The following IQSEC1 variants were observed in gnomAD, a reference collection of about 807,000 sequenced individuals.
IQSEC1 encodes the protein IQ motif and Sec7 domain ArfGEF 1.
IQSEC1 carries 31 observed loss-of-function variants against 91.0 expected under a neutral mutation model. That is an observed-to-expected ratio of 0.34 (90% CI 0.26 to 0.46). The LOEUF (loss-of-function observed/expected upper bound fraction) is 0.46. Among genes scored for constraint, IQSEC1 ranks in the 20% least tolerant of loss-of-function variants. IQSEC1 has a pLI of 1.00. For missense variants in IQSEC1, 1,388 were observed against 1,575.6 expected (o/e 0.88, Z 2.02); for synonymous variants, 699 against 662.6 (o/e 1.05, Z -0.84).
At chr3:12,987,404 G>T (rs1218865145) in intron 1 of IQSEC1, among the ~76,000 whole-genome samples, 1 of 152,248 alleles carries the variant, frequency 6.6e-6, no homozygotes, top group South Asian at 2.1e-4. Context: ...GTATATGTGT[G>T]CACCTGGGGC....
In IQSEC1 at chr3:13,023,080, C is replaced by G. The variant is rs561318566; in HGVS notation, c.23+49912G>C. ...CATGAGACACAGATAGAGGAAGTCA[C>G]TTACCCTAGGTCACAGACCTAGGAA... is the stretch of plus-strand genomic sequence containing the variant. On this transcript the variant is annotated intron_variant, in intron 1 of 13. Transcript: ENST00000613206. 1.2e-4 allele frequency among the ~76,000 whole-genome samples: 19 copies of G among 152,332 alleles called. No individual in the cohort carries two copies. In the South Asian group the frequency reaches 3.7e-3, roughly 30 times the overall value.
chr3:13,003,206 G>A (rs1320377890), intron 1 of IQSEC1, among the ~76,000 whole-genome samples: 4 of 150,996 alleles, frequency 2.6e-5, no homozygotes, highest in Non-Finnish European at 5.9e-5. Flanking sequence ...GGGAGGCTGA[G>A]GCGGGAGTGT....
intron 2 of IQSEC1, among the ~76,000 whole-genome samples, chr3:13,117,545 T>TA (rs1267133717): frequency 8.0e-4 from 88 of 109,778 alleles, no homozygotes; most frequent in Middle Eastern, 0.024. Context: ...CACTCCAGCC[T>TA]GGTGACAGAG....
chr3:13,112,173 T>C (rs936180611), intron 2 of IQSEC1, among the ~76,000 whole-genome samples: 3 of 152,344 alleles, frequency 2.0e-5, no homozygotes, highest in Admixed American at 2.0e-4. Flanking sequence ...GTAACCCTAA[T>C]GCAAACACAC....
chr3:13,158,674 A>G (rs897615410), intron 2 of IQSEC1, among the ~76,000 whole-genome samples: 1 of 152,160 alleles, frequency 6.6e-6, no homozygotes, highest in Admixed American at 6.5e-5. Flanking sequence ...CACCTCATGC[A>G]ATATGCTTCT....
At chr3:12,927,745 T>C (rs1030676149) in intron 3 of IQSEC1, among the ~76,000 whole-genome samples, 3 of 152,222 alleles carry the variant, frequency 2.0e-5, no homozygotes, top group East Asian at 1.9e-4. Context: ...GAACACTGGC[T>C]GGGAGTAGGC....
chr3:13,181,983 T>C (rs1215168281), intron 1 of IQSEC1, among the ~76,000 whole-genome samples: 1 of 152,236 alleles, frequency 6.6e-6, no homozygotes, highest in Non-Finnish European at 1.5e-5. Flanking sequence ...CAGTAAGCAG[T>C]AGGTGCTCAA....
intron 2 of IQSEC1, among the ~76,000 whole-genome samples, chr3:13,126,634 C>G (rs976078504): frequency 1.3e-5 from 2 of 152,186 alleles, no homozygotes; most frequent in African/African-American, 4.8e-5. Context: ...ATTTCACATT[C>G]CCACCAGCAG....
chr3:13,007,331 G>A (rs1409670066), intron 1 of IQSEC1, among the ~76,000 whole-genome samples: 1 of 152,216 alleles, frequency 6.6e-6, no homozygotes, highest in Admixed American at 6.5e-5. Context: ...CTGGCCTGTC[G>A]GCCGTTCTAA....
intron 1 of IQSEC1, among the ~76,000 whole-genome samples, chr3:12,987,555 A>C (rs955902683): frequency 6.6e-6 from 1 of 152,274 alleles, no homozygotes; most frequent in Non-Finnish European, 1.5e-5. Flanking sequence ...TGAGTTTCTC[A>C]AAACACGAAA....
At chr3:13,229,926 G>A (rs909142445) in intron 1 of IQSEC1, among the ~76,000 whole-genome samples, 1 of 152,188 alleles carries the variant, frequency 6.6e-6, no homozygotes, top group Non-Finnish European at 1.5e-5. Flanking sequence ...ATTTCATGGG[G>A]CTGCTTTGAA....
In IQSEC1 at chr3:12,899,450, C is replaced by G. The variant is rs747212966; in HGVS notation, c.*1533G>C. 18 of 1,607,090 alleles carry G rather than the reference C, an allele frequency of 1.1e-5. No homozygotes were observed. The highest frequency in any genetic ancestry group is 1.4e-5 in the Non-Finnish European group (16 of 1,177,494). On this transcript the variant is annotated 3_prime_UTR_variant, in exon 14 of 14. Coordinates refer to ENST00000613206, the MANE Select transcript of IQSEC1 (RefSeq NM_001134382.3). ...AAGGCTGAAACTACAAAGTATGGCCCGTGGGTGACTCGGGCACAGACCTGC... is the reference window on the plus strand; with the variant it reads ...AAGGCTGAAACTACAAAGTATGGCCGGTGGGTGACTCGGGCACAGACCTGC...
chr3:13,180,781 C>A (rs149404756), intron 1 of IQSEC1, among the ~76,000 whole-genome samples: 1,514 of 147,098 alleles, frequency 0.01, 45 homozygotes, highest in African/African-American at 0.039. Flanking sequence ...ACACTCATCG[C>A]AAAGGTCTGA....
chr3:12,923,580 T>A (rs1034489011), intron 4 of IQSEC1, among the ~76,000 whole-genome samples: 1 of 152,198 alleles, frequency 6.6e-6, no homozygotes, highest in Non-Finnish European at 1.5e-5. Flanking sequence ...GCCGTGTATG[T>A]GAGTCTGCGT....
At chr3:13,169,974 A>T (rs2124998553) in intron 1 of IQSEC1, among the ~76,000 whole-genome samples, 1 of 152,394 alleles carries the variant, frequency 6.6e-6, no homozygotes, top group South Asian at 2.1e-4. Flanking sequence ...ATAAGTAATG[A>T]GAAGCCGAAT....
Position 12,901,459 on chromosome 3 carries a change from G to A in IQSEC1, c.2869C>T (p.Arg957Cys), listed in dbSNP as rs1026612631. The change falls in exon 14 of 14, where the codon CGC becomes TGC. Residue 957 changes from arginine (R) to cysteine (C), a missense_variant. Transcript: ENST00000613206. ...RATSTRECPS[R>C]PHQTMPNSSS... ...GAGTTGGGCATAGTCTGGTGTGGGC[G>A]AGATGGACACTCTCGTGTTGATGTA... The A allele has an allele frequency of 3.0e-5, 47 of 1,549,236 alleles. No homozygotes were observed. The highest frequency in any genetic ancestry group is 4.1e-5 in the African/African-American group (3 of 72,998).
In IQSEC1 at chr3:13,264,099, G is replaced by A. The variant is rs182968464; in HGVS notation, c.272+18612C>T. ...AGCTCCTGGCCTGGGCTTTTGAGCCGGACGGCGCCGGCCAGGCCACTGACC... is the reference window on the plus strand; with the variant it reads ...AGCTCCTGGCCTGGGCTTTTGAGCCAGACGGCGCCGGCCAGGCCACTGACC... On this transcript the variant is annotated intron_variant, in intron 1 of 15. Coordinates refer to the IQSEC1 transcript ENST00000648114. Among the ~76,000 whole-genome samples the A allele has an allele frequency of 2.9e-3, 439 of 152,282 alleles. 2 individuals are homozygous for A. Among genetic ancestry groups the A allele is most frequent in the African/African-American group, 9.6e-3 (397 of 41,538 alleles).
chr3:12,978,524 C>G (rs1236499022), intron 1 of IQSEC1, among the ~76,000 whole-genome samples: 1 of 151,930 alleles, frequency 6.6e-6, no homozygotes, highest in Non-Finnish European at 1.5e-5. Flanking sequence ...CGGTGAAACC[C>G]CGTCTCTACT....
intron 1 of IQSEC1, among the ~76,000 whole-genome samples, chr3:13,278,835 G>C (rs11925314): frequency 0.33 from 48,831 of 149,378 alleles, 9,501 homozygotes; most frequent in East Asian, 0.59. Flanking sequence ...GGGGCAGGGT[G>C]GGGGGGGACA....
Sources: gnomAD v4.1 joint callset for allele counts (sites outside exome capture counted in the v4.1 genomes callset) on GRCh38, gnomAD v4.1.1 for gene constraint, MANE v1.5 for transcripts, NCBI Gene and HGNC (gene_info 2026-07-23, HGNC 2026-07-21) for gene names.